CD44: variants seen among roughly 807,000 people sequenced by gnomAD.
CD44 encodes the protein CD44 molecule (IN blood group).
In CD44, 49 loss-of-function variants were observed where a neutral mutation model predicts 88.8. The ratio of observed to expected loss-of-function variants is 0.55; its 90% CI spans 0.44 to 0.70. The LOEUF is 0.70. CD44 is among the 30% of genes least tolerant of loss of function. The pLI is 0.00. For missense variants in CD44, 883 were observed against 913.8 expected (o/e 0.97, Z 0.43); for synonymous variants, 325 against 312.3 (o/e 1.04, Z -0.43).
At chr11:35,160,246 C>T (rs532410128) in intron 1 of CD44, among the ~76,000 whole-genome samples, 15 of 152,322 alleles carry the variant, frequency 9.8e-5, no homozygotes, top group South Asian at 2.1e-4. Flanking sequence ...ATTTAGGAGG[C>T]TTCTCTCTAA....
intron 1 of CD44, among the ~76,000 whole-genome samples, chr11:35,165,041 T>C (rs945610805): frequency 6.6e-6 from 1 of 152,136 alleles, no homozygotes; most frequent in Non-Finnish European, 1.5e-5. Context: ...TCTTAGGGCT[T>C]TGTGGTGGGT....
chr11:35,223,265 T>C, intron 17 of CD44: 1 of 985,332 alleles, frequency 1.0e-6, no homozygotes, highest in Non-Finnish European at 1.2e-6. Flanking sequence ...TATACCTCCC[T>C]TCAGCTTCCT....
chr11:35,206,079 A>G (rs745975382), intron 10 of CD44, 33 bp from the exon 11 acceptor site: 20 of 1,581,862 alleles, frequency 1.3e-5, no homozygotes, highest in Admixed American at 1.9e-5. Flanking sequence ...GTCCATTAAC[A>G]CTTTGACAAT....
At chr11:35,215,279 A>C (rs148549755) in intron 15 of CD44, among the ~76,000 whole-genome samples, 69 of 152,354 alleles carry the variant, frequency 4.5e-4, no homozygotes, top group African/African-American at 1.6e-3. Flanking sequence ...CAGAGTGATT[A>C]AGAGCTTGAG....
At chr11:35,209,082 T>G (rs1203979167) in intron 12 of CD44, among the ~76,000 whole-genome samples, 1 of 152,248 alleles carries the variant, frequency 6.6e-6, no homozygotes, top group Non-Finnish European at 1.5e-5. Flanking sequence ...TTGGCTTTTG[T>G]TCTGACATTG....
chr11:35,219,258 A>G (rs1949095731), intron 15 of CD44, 58 bp from the exon 16 acceptor site: 2 of 1,304,990 alleles, frequency 1.5e-6, no homozygotes, highest in African/African-American at 1.4e-5. Flanking sequence ...CAGCTCCACA[A>G]GGAACTCATG....
chr11:35,184,498 G>A (rs78726976), intron 3 of CD44, among the ~76,000 whole-genome samples: 13,401 of 152,124 alleles, frequency 0.088, 650 homozygotes, highest in African/African-American at 0.11. Context: ...CATAGGTTGC[G>A]TCAGTTTCTG....
chr11:35,158,209 G>A (rs1942155474), intron 1 of CD44, among the ~76,000 whole-genome samples: 1 of 152,174 alleles, frequency 6.6e-6, no homozygotes, highest in African/African-American at 2.4e-5. Context: ...AGGCCAGCAG[G>A]GACCAGGGTC....
chr11:35,198,326 T>C, intron 7 of CD44, 80 bp downstream of exon 7: 2 of 1,342,460 alleles, frequency 1.5e-6, no homozygotes, highest in South Asian at 2.7e-5. Context: ...GTATCTCTCT[T>C]GAGAAGTAGT....
chr11:35,218,225 A>G (rs1233261530), intron 15 of CD44, among the ~76,000 whole-genome samples: 4 of 152,206 alleles, frequency 2.6e-5, no homozygotes, highest in South Asian at 4.1e-4. Context: ...GCTTTTTAGC[A>G]GTAGAAAATG....
intron 1 of CD44, among the ~76,000 whole-genome samples, chr11:35,153,570 C>G (rs1400461607): frequency 6.6e-6 from 1 of 152,174 alleles, no homozygotes; most frequent in African/African-American, 2.4e-5. Flanking sequence ...AGTTGAACAC[C>G]AATATCTGTG....
chr11:35,183,670 A>G (rs1273389607), intron 3 of CD44, among the ~76,000 whole-genome samples: 1 of 152,226 alleles, frequency 6.6e-6, no homozygotes, highest in Non-Finnish European at 1.5e-5. Flanking sequence ...AATGAAAATA[A>G]GGCAGAACTT....
At chr11:35,206,669 T>TGGGGGGGGGGGG (rs57972216) in intron 11 of CD44, among the ~76,000 whole-genome samples, 1 of 146,084 alleles carries the variant, frequency 6.8e-6, no homozygotes, top group Non-Finnish European at 1.5e-5. Flanking sequence ...TGGGGGTTGG[T>TGGGGGGGGGGGG]GGGGGGGGCA....
At chr11:35,186,016 C>A in intron 3 of CD44, among the ~76,000 whole-genome samples, 2 of 151,218 alleles carry the variant, frequency 1.3e-5, no homozygotes, top group African/African-American at 4.9e-5. Flanking sequence ...ATTCCTAAAG[C>A]AAGGGATGAA....
Position 35,211,381 on chromosome 11 carries a change from C to T in CD44, c.1742C>T (p.Thr581Ile), listed in dbSNP as rs1275247017. The T allele has an allele frequency of 6.2e-7, 1 of 1,613,932 alleles. No homozygotes were observed. The highest frequency in any genetic ancestry group is 8.5e-7 in the Non-Finnish European group (1 of 1,179,902). Residue 581 changes from threonine (T) to isoleucine (I), a missense_variant, in exon 14 of 18, where the codon ACT becomes ATT. By Grantham distance (89) the Thr-to-Ile change is moderately conservative (BLOSUM62 -1). Around this residue, in one of 2 missense-constraint regions of CD44, gnomAD observed 631 missense variants for 590.9 expected, o/e 1.07. Coordinates refer to ENST00000428726, the MANE Select transcript of CD44 (RefSeq NM_000610.4). Reference protein sequence around the residue: ...RTFIPVTSAKTGSFGVTAVTV... With the variant: ...RTFIPVTSAKIGSFGVTAVTV... ...TTCATCCCAGTGACCTCAGCTAAGACTGGGTCCTTTGGAGTTACTGCAGTT... is the reference window on the plus strand; with the variant it reads ...TTCATCCCAGTGACCTCAGCTAAGATTGGGTCCTTTGGAGTTACTGCAGTT...
At chr11:35,164,344 T>C (rs898346430) in intron 1 of CD44, among the ~76,000 whole-genome samples, 2 of 152,290 alleles carry the variant, frequency 1.3e-5, no homozygotes, top group South Asian at 4.1e-4. Flanking sequence ...ATCTGTGAAA[T>C]GGGGGTGATT....
chr11:35,175,897 G>T (rs1163064777), intron 1 of CD44, among the ~76,000 whole-genome samples: 2 of 138,512 alleles, frequency 1.4e-5, no homozygotes, highest in African/African-American at 5.4e-5. Context: ...ATAGAGTCTC[G>T]CTCTGTCACC....
intron 1 of CD44, among the ~76,000 whole-genome samples, chr11:35,172,522 A>AT: frequency 6.6e-6 from 1 of 152,156 alleles, no homozygotes; most frequent in South Asian, 2.1e-4. Flanking sequence ...AATAAGATTA[A>AT]TTTTTTTCTC....
At position 35,232,134 on chromosome 11, in the gene CD44, A is replaced by G. The variant is rs191477813; in HGVS notation, c.*2801A>G. The G allele has an allele frequency of 4.4e-3, 674 of 152,676 alleles. 4 individuals carry two copies. Among genetic ancestry groups the G allele is most frequent in the Non-Finnish European group, 4.4e-3 (297 of 68,032 alleles). The allele number at this position is 152,676 out of a possible 1,614,324, so 9.5% of individuals were successfully genotyped here. A position where few individuals can be genotyped will look rare whatever the true frequency, so the allele number is the denominator to read the frequency against. On this transcript the variant is annotated 3_prime_UTR_variant, in exon 18 of 18. Coordinates refer to ENST00000428726, the MANE Select transcript of CD44 (RefSeq NM_000610.4). ...AAATGTACTTAAGAATAAGAATAAC[A>G]TGGTCCATTCACCTTTATGTTATAG...
Sources: gnomAD v4.1 joint callset for allele counts (sites outside exome capture counted in the v4.1 genomes callset) on GRCh38, gnomAD v4.1.1 for gene constraint, gnomAD v4.1.1 regional missense constraint, MANE v1.5 for transcripts, NCBI Gene and HGNC (gene_info 2026-07-23, HGNC 2026-07-21) for gene names.